ZFHX2: variants seen among roughly 807,000 people sequenced by gnomAD.
The protein encoded by ZFHX2 is zinc finger homeobox 2, also known as zinc finger homeobox protein 2.
Under a neutral mutation model 164.8 loss-of-function variants are expected in ZFHX2, and 75 were observed. That is an observed-to-expected ratio of 0.46 (90% CI 0.38 to 0.55). The LOEUF (loss-of-function observed/expected upper bound fraction) is 0.55, where lower values mean the gene tolerates loss of function less well. Among genes scored for constraint, ZFHX2 ranks in the 20% least tolerant of loss-of-function variants. The probability of loss-of-function intolerance (pLI) is 0.00; values close to 1 mark genes in which losing one functional copy is unlikely to be tolerated. For missense variants in ZFHX2, 2,933 were observed against 3,308.0 expected (o/e 0.89, Z 2.78); for synonymous variants, 1,217 against 1,351.4 (o/e 0.90, Z 2.18).
chr14:23,527,410 C>T (rs1369859438), intron 7 of ZFHX2, among the ~76,000 whole-genome samples, 194 bp downstream of exon 7: 1 of 152,190 alleles, frequency 6.6e-6, no homozygotes, highest in Non-Finnish European at 1.5e-5. Context: ...CTGAATACTC[C>T]TGCCTCTTCC....
Position 23,531,488 on chromosome 14 carries a change from C to T in ZFHX2, c.2793G>A (p.Arg931=). Residue 931 remains arginine (R), a synonymous_variant, in exon 4 of 10, where the codon CGG becomes CGA. Coordinates refer to ENST00000419474, the MANE Select transcript of ZFHX2 (RefSeq NM_033400.3). ...CAGTCCCTTCTTCCTCACCGGGAGTCCGGAGCTGCCCGTGGCTGAAGCTCA... is the reference window on the plus strand; with the variant it reads ...CAGTCCCTTCTTCCTCACCGGGAGTTCGGAGCTGCCCGTGGCTGAAGCTCA... ...SILSFSHGQL[R]TPGKAPVTPL... is the part of the protein sequence containing the mutation. 1 of 1,418,818 alleles carries T rather than the reference C, an allele frequency of 7.0e-7. No individual in the cohort carries two copies. Among genetic ancestry groups the T allele is most frequent in the Non-Finnish European group, 9.3e-7 (1 of 1,079,330 alleles). The allele number at this position is 1,418,818 out of a possible 1,614,324, so 87.9% of individuals were successfully genotyped here. A position where few individuals can be genotyped will look rare whatever the true frequency, so the allele number is the denominator to read the frequency against.
At chr14:23,551,854 G>T (rs924901834), upstream of ZFHX2, among the ~76,000 whole-genome samples, 1 of 152,040 alleles carries the variant, frequency 6.6e-6, no homozygotes, top group African/African-American at 2.4e-5. This position sits in a 1 kb window ranked among gnomAD's most constrained non-coding sequence, Gnocchi z 5.3. Context: ...TAGTCTGTTC[G>T]CGCCCGCCCG....
In ZFHX2 at chr14:23,522,949, G is replaced by T. The variant is rs141135525; in HGVS notation, c.6740-8C>A. On this transcript the variant is annotated splice_polypyrimidine_tract_variant and splice_region_variant and intron_variant, in intron 9 of 9. Coordinates refer to ENST00000419474, the MANE Select transcript of ZFHX2 (RefSeq NM_033400.3). ...CTGAGGAGGCTGCCGGGCCTAGAAA[G>T]GTGAAAGGAAGGATGAAGGATTAGC... The T allele has an allele frequency of 1.4e-6, 2 of 1,437,662 alleles. No homozygotes were observed. Among genetic ancestry groups the T allele is most frequent in the Non-Finnish European group, 1.8e-6 (2 of 1,100,668 alleles). 89.1% of individuals were successfully genotyped at this position (1,437,662 alleles called of 1,614,324 possible).
chr14:23,535,219 G>T lies in ZFHX2; in HGVS notation c.107C>A (p.Pro36His). 6.6e-7 allele frequency: 1 copy of T among 1,525,762 alleles called. No homozygotes were observed. Among genetic ancestry groups the T allele is most frequent in the Non-Finnish European group, 8.8e-7 (1 of 1,138,470 alleles). 94.5% of individuals were successfully genotyped at this position (1,525,762 alleles called of 1,614,324 possible). A position where few individuals can be genotyped will look rare whatever the true frequency, so the allele number is the denominator to read the frequency against. The change falls in exon 2 of 10, where the codon CCT becomes CAT. Residue 36 changes from proline (P) to histidine (H), a missense_variant. Physicochemically the swap from Pro to His is moderately conservative, Grantham distance 77. Transcript: ENST00000419474. This position sits in a 1 kb window ranked among gnomAD's most constrained non-coding sequence, Gnocchi z 4.5. ...DTFSSSTPSD[P>H]VTKDPPAASS... ...GGCAGCAGGGGGATCTTTGGTGACA[G>T]GATCAGAGGGGGTGCTGGAGGAGAA...
At chr14:23,541,488 T>C (rs1880813904) in intron 1 of ZFHX2, among the ~76,000 whole-genome samples, 1 of 151,948 alleles carries the variant, frequency 6.6e-6, no homozygotes, top group South Asian at 2.1e-4. Flanking sequence ...AGCTTCTCCA[T>C]GTTGGTCAGG....
In ZFHX2 at chr14:23,523,307, A is replaced by C. The variant is rs1378223117; in HGVS notation, c.6635T>G (p.Met2212Arg). The C allele has an allele frequency of 1.4e-6, 2 of 1,448,848 alleles. No homozygotes were observed. Among genetic ancestry groups the C allele is most frequent in the African/African-American group, 2.9e-5 (2 of 70,076 alleles). The allele number at this position is 1,448,848 out of a possible 1,614,324, so 89.7% of individuals were successfully genotyped here. A position where few individuals can be genotyped will look rare whatever the true frequency, so the allele number is the denominator to read the frequency against. Residue 2212 changes from methionine to arginine, a missense_variant, in exon 9 of 10, where the codon ATG becomes AGG. Coordinates refer to ENST00000419474, the MANE Select transcript of ZFHX2 (RefSeq NM_033400.3). This position sits in a 1 kb window ranked among gnomAD's most constrained non-coding sequence, Gnocchi z 4.1. Reference protein sequence around the residue: ...KAPPATTPASMPLGAAPTLPR... With the variant: ...KAPPATTPASRPLGAAPTLPR... ...CAAGGTTGGGGCAGCCCCGAGGGGCATGGAGGCAGGTGTGGTGGCAGGTGG... is the reference window on the plus strand; with the variant it reads ...CAAGGTTGGGGCAGCCCCGAGGGGCCTGGAGGCAGGTGTGGTGGCAGGTGG...
Position 23,534,305 on chromosome 14 carries a change from T to C in ZFHX2, c.1021A>G (p.Met341Val). Reference protein sequence around the residue: ...QALILLDEEVMALSPPSPPTA... With the variant: ...QALILLDEEVVALSPPSPPTA... Reference sequence around the variant, plus strand: ...GGTGGAGAGGGTGGGCTGAGGGCCATAACTTCTTCATCCAGGAGGATAAGG... The same window carrying C: ...GGTGGAGAGGGTGGGCTGAGGGCCACAACTTCTTCATCCAGGAGGATAAGG... Residue 341 changes from methionine to valine, a missense_variant, in exon 2 of 10, where the codon ATG (methionine) becomes GTG (valine). By Grantham distance (21) the Met-to-Val change is conservative (BLOSUM62 1). Transcript: ENST00000419474. This position sits in a 1 kb window ranked among gnomAD's most constrained non-coding sequence, Gnocchi z 4.5. The C allele has an allele frequency of 6.5e-7, 1 of 1,535,530 alleles. No homozygotes were observed. The highest frequency in any genetic ancestry group is 8.7e-7 in the Non-Finnish European group (1 of 1,146,274).
Position 23,525,962 on chromosome 14 carries a change from G to C in ZFHX2, c.3980C>G (p.Pro1327Arg). 6.7e-7 allele frequency: 1 copy of C among 1,502,804 alleles called. No individual in the cohort carries two copies. The highest frequency in any genetic ancestry group is 1.3e-5 in the South Asian group (1 of 76,686). 93.1% of individuals were successfully genotyped at this position (1,502,804 alleles called of 1,614,324 possible). A position where few individuals can be genotyped will look rare whatever the true frequency, so the allele number is the denominator to read the frequency against. Reference sequence around the variant, plus strand: ...GAATCGGTGCAGGTCCAAGGGAGGTGGGGGAGGGGACAGGAAAGGCAATCC... The same window carrying C: ...GAATCGGTGCAGGTCCAAGGGAGGTCGGGGAGGGGACAGGAAAGGCAATCC... ...ISGLPFLSPPPPPLDLHRFPA... is the reference protein window; with the variant it reads ...ISGLPFLSPPRPPLDLHRFPA... Residue 1327 changes from proline to arginine, a missense_variant, in exon 9 of 10, where the codon CCA (proline) becomes CGA (arginine). Transcript: ENST00000419474. The surrounding 1 kb of genome is among the most constrained non-coding windows in gnomAD (Gnocchi z 5.9).
At position 23,532,849 on chromosome 14, in the gene ZFHX2, G is replaced by T. The variant is rs1411927735; in HGVS notation, c.2277C>A (p.Arg759=). The change falls in exon 3 of 10, where the codon CGC becomes CGA. Residue 759 remains arginine (R), a synonymous_variant. Transcript: ENST00000419474. ...EWKEVAGDTH[R]CKLCCYGTQL... is the part of the protein sequence containing the mutation. ...GGGTGCCATAGCAGCAAAGCTTGCA[G>T]CGGTGGGTGTCACCAGCCACCTCCT... is the stretch of plus-strand genomic sequence containing the variant. The T allele has an allele frequency of 7.8e-6, 12 of 1,536,368 alleles. No individual in the cohort carries two copies. The highest frequency in any genetic ancestry group is 9.6e-6 in the Non-Finnish European group (11 of 1,146,970).
rs1877991307 is a variant in ZFHX2, at chr14:23,521,540, G to A, written c.*422C>T. On this transcript the variant is annotated 3_prime_UTR_variant, in exon 10 of 10. Transcript: ENST00000419474. ...CAAAATTTTTTGGTGTTTTCTCAGT[G>A]GAACATCATGGGATAACGTGTGTGT... 1 of 160,962 alleles carries A rather than the reference G, an allele frequency of 6.2e-6. No homozygotes were observed. Among genetic ancestry groups the A allele is most frequent in the Admixed American group, 6.4e-5 (1 of 15,678 alleles). 10.0% of individuals were successfully genotyped at this position (160,962 alleles called of 1,614,324 possible). A position where few individuals can be genotyped will look rare whatever the true frequency, so the allele number is the denominator to read the frequency against.
rs1436887166 is a variant in ZFHX2 at position 23,530,159 on chromosome 14, T to C, written c.2836A>G (p.Thr946Ala). Residue 946 changes from threonine to alanine, a missense_variant, in exon 5 of 10, where the codon ACC becomes GCC. Physicochemically the swap from Thr to Ala is moderately conservative, Grantham distance 58. Transcript: ENST00000419474. Reference sequence around the variant, plus strand: ...TTGTTCTGGGCATCTTTCTCAGGGGTGGGTGGCTCAGCTAAGGGGGTGACA... The same window carrying C: ...TTGTTCTGGGCATCTTTCTCAGGGGCGGGTGGCTCAGCTAAGGGGGTGACA... Reference protein sequence around the residue: ...APVTPLAEPPTPEKDAQNKTE... With the variant: ...APVTPLAEPPAPEKDAQNKTE... 2.6e-6 allele frequency: 4 copies of C among 1,535,440 alleles called. No individual in the cohort carries two copies. The African/African-American group carries it at 4.1e-5, about 16-fold the overall frequency.
chr14:23,548,043 T>A (rs944629779), intron 1 of ZFHX2, among the ~76,000 whole-genome samples: 6 of 152,200 alleles, frequency 3.9e-5, no homozygotes, highest in Non-Finnish European at 8.8e-5. Context: ...TGAATGAGTT[T>A]ACACTCACAC....
chr14:23,521,987 G>A lies in ZFHX2; in HGVS notation c.7694C>T (p.Thr2565Ile). Residue 2565 changes from threonine (T) to isoleucine (I), a missense_variant, in exon 10 of 10, where the codon ACT becomes ATT. Thr to Ile is a moderately conservative substitution (Grantham distance 89). Transcript: ENST00000419474. ...TTATAAAGCTAGAAGTGTAGAGGTA[G>A]TCGTAGTTTTTGGGTTGGAGTCCGT... ...PHTDSNPKTT[T>I]TSTLLAL The A allele has an allele frequency of 6.5e-7, 1 of 1,536,390 alleles. No homozygotes were observed. The highest frequency in any genetic ancestry group is 1.2e-5 in the South Asian group (1 of 84,058).
Position 23,534,172 on chromosome 14 carries a change from A to G in ZFHX2, c.1154T>C (p.Leu385Pro). Residue 385 changes from leucine to proline, a missense_variant, in exon 2 of 10, where the codon CTC becomes CCC. Leu to Pro is a moderately conservative substitution (Grantham distance 98). Coordinates refer to ENST00000419474, the MANE Select transcript of ZFHX2 (RefSeq NM_033400.3). The surrounding 1 kb of genome is among the most constrained non-coding windows in gnomAD (Gnocchi z 4.5). ...TGAGCTTTGGTTGAGTGGGGGGCAG[A>G]GCCCTCCATCCTCTTCTTGCCCCTC... ...FPEGQEEDGG[L>P]CPPLNQSSPT... is the part of the protein sequence containing the mutation. 1 of 1,473,838 alleles carries G rather than the reference A, an allele frequency of 6.8e-7. No individual in the cohort carries two copies. The highest frequency in any genetic ancestry group is 9.0e-7 in the Non-Finnish European group (1 of 1,116,410). The allele number at this position is 1,473,838 out of a possible 1,614,324, so 91.3% of individuals were successfully genotyped here. A position where few individuals can be genotyped will look rare whatever the true frequency, so the allele number is the denominator to read the frequency against.
At chr14:23,539,830 A>T (rs1880601409) in intron 1 of ZFHX2, among the ~76,000 whole-genome samples, 1 of 152,196 alleles carries the variant, frequency 6.6e-6, no homozygotes. Context: ...TGGCAGGGCT[A>T]ATGGGACCTG....
At chr14:23,532,138 C>T (rs949355604) in intron 3 of ZFHX2, 7 of 168,354 alleles carry the variant, frequency 4.2e-5, no homozygotes, top group East Asian at 1.7e-4. Flanking sequence ...CCCCACCCCT[C>T]GCTTCCTGCT....
chr14:23,526,738 C>G (rs1595142422), intron 8 of ZFHX2, 59 bp from the exon 9 acceptor site: 1 of 1,533,936 alleles, frequency 6.5e-7, no homozygotes, highest in East Asian at 2.4e-5. Flanking sequence ...CAGACCCCAC[C>G]CACTCAATAC....
intron 1 of ZFHX2, among the ~76,000 whole-genome samples, chr14:23,539,451 G>A (rs1335208265): frequency 6.6e-6 from 1 of 152,222 alleles, no homozygotes; most frequent in Non-Finnish European, 1.5e-5. Context: ...GAGATAAGAG[G>A]CTCAGATGTA....
At chr14:23,547,585 A>T (rs903375633) in intron 1 of ZFHX2, among the ~76,000 whole-genome samples, 7 of 152,052 alleles carry the variant, frequency 4.6e-5, no homozygotes, top group Non-Finnish European at 8.8e-5. Context: ...GAGCCCTGAG[A>T]GTTCCCCTGG....
Sources: gnomAD v4.1 joint callset for allele counts (sites outside exome capture counted in the v4.1 genomes callset) on GRCh38, gnomAD v4.1.1 for gene constraint, Gnocchi (gnomAD v3.1) non-coding constraint, MANE v1.5 for transcripts, NCBI Gene and HGNC (gene_info 2026-07-23, HGNC 2026-07-21) for gene names.